MED4: variants seen among roughly 807,000 people sequenced by gnomAD.
MED4 encodes the protein mediator of RNA polymerase II transcription subunit 4.
Under a neutral mutation model 35.0 loss-of-function variants are expected in MED4, and 21 were observed. The observed-to-expected ratio is 0.60, with a 90% CI of 0.43 to 0.86. The LOEUF (loss-of-function observed/expected upper bound fraction) is 0.86. Ranked by LOEUF, MED4 falls within the 40% of genes least tolerant of loss-of-function variation. The probability of loss-of-function intolerance (pLI) is 0.00; values close to 1 mark genes in which losing one functional copy is unlikely to be tolerated. For synonymous variants in MED4, 138 were observed against 114.0 expected, an observed-to-expected ratio of 1.21 and a Z score of -1.34; for missense variants, 300 against 319.4, an observed-to-expected ratio of 0.94 and a Z score of 0.46.
chr13:48,079,821 AAC>A (rs138539860), intron 6 of MED4, 21 bp downstream of exon 6: 187,213 of 1,611,512 alleles, frequency 0.12, 11,872 homozygotes, highest in Middle Eastern at 0.18. Context: ...TCTGTTTGAA[AAC>A]ACTCTTCGGC....
At chr13:48,085,183 T>C (rs200246701) in intron 3 of MED4, among the ~76,000 whole-genome samples, 2 of 50,978 alleles carry the variant, frequency 3.9e-5, no homozygotes, top group Non-Finnish European at 1.7e-4. Flanking sequence ...TTTTTTTTTT[T>C]TTTTTTTTTT....
intron 2 of MED4, among the ~76,000 whole-genome samples, chr13:48,088,235 G>C (rs1232338452): frequency 6.6e-6 from 1 of 152,148 alleles, no homozygotes; most frequent in African/African-American, 2.4e-5. Flanking sequence ...ACTTCAGAAA[G>C]AAAATATCTA....
In MED4 at chr13:48,079,955, G is replaced by T; in HGVS notation, c.529C>A (p.Pro177Thr). ...CCACTTCTCATCTCTAAATCAGTTG[G>T]GTAGGGTCTCCGGGGGTCCCCTAAA... ...WVPGDPRRPYPTDLEMRSGLL... is the reference protein window; with the variant it reads ...WVPGDPRRPYTTDLEMRSGLL... Residue 177 changes from proline (P) to threonine (T), a missense_variant, in exon 6 of 7, where the codon CCA becomes ACA. Transcript: ENST00000258648. 9 of 1,613,582 alleles carry T rather than the reference G, an allele frequency of 5.6e-6. No homozygotes were observed. Among genetic ancestry groups the T allele is most frequent in the Non-Finnish European group, 7.6e-6 (9 of 1,179,734 alleles).
intron 1 of MED4, among the ~76,000 whole-genome samples, chr13:48,093,148 A>G (rs1033591493): frequency 6.6e-6 from 1 of 152,222 alleles, no homozygotes; most frequent in African/African-American, 2.4e-5. Flanking sequence ...GTTAGAGCCT[A>G]CATTATTAGC....
intron 2 of MED4, among the ~76,000 whole-genome samples, chr13:48,087,540 T>C (rs867754845): frequency 6.6e-6 from 1 of 151,148 alleles, no homozygotes; most frequent in Non-Finnish European, 1.5e-5. Flanking sequence ...TTGTTTACAA[T>C]GAAGATGATC....
intron 2 of MED4, among the ~76,000 whole-genome samples, chr13:48,087,477 TAATA>T (rs1309328071): frequency 1.3e-5 from 2 of 152,190 alleles, no homozygotes; most frequent in African/African-American, 4.8e-5. Flanking sequence ...ACATTTGTGC[TAATA>T]TATATTAGAA....
At position 48,086,524 on chromosome 13, in the gene MED4, C is replaced by T. The variant is rs1950849892; in HGVS notation, c.193-72G>A. 5 of 1,385,942 alleles carry T rather than the reference C, an allele frequency of 3.6e-6. 1 individual carries two copies. In the Admixed American group the frequency reaches 6.2e-5, roughly 17 times the overall value. The allele number at this position is 1,385,942 out of a possible 1,614,324, so 85.9% of individuals were successfully genotyped here. Reference sequence around the variant, plus strand: ...CTGCATTCCAATGAAACAAAGAATCCGTAACTGAATTGGCTAGGCTATAAA... The same window carrying T: ...CTGCATTCCAATGAAACAAAGAATCTGTAACTGAATTGGCTAGGCTATAAA... On this transcript the variant is annotated intron_variant, in intron 2 of 6. Transcript: ENST00000258648.
intron 1 of MED4, among the ~76,000 whole-genome samples, chr13:48,093,861 G>A (rs1156575642): frequency 1.3e-5 from 2 of 152,172 alleles, no homozygotes; most frequent in Admixed American, 6.5e-5. Context: ...ATTATATCAC[G>A]TATATTTTAA....
intron 1 of MED4, among the ~76,000 whole-genome samples, chr13:48,091,166 T>C (rs1318060858): frequency 6.6e-6 from 1 of 152,214 alleles, no homozygotes; most frequent in Non-Finnish European, 1.5e-5. Context: ...TTCTCCACTT[T>C]ATTTGAATTT....
At chr13:48,089,817 A>C (rs951903529) in intron 2 of MED4, among the ~76,000 whole-genome samples, 3 of 152,156 alleles carry the variant, frequency 2.0e-5, no homozygotes, top group Non-Finnish European at 2.9e-5. Context: ...AAAATTCTGA[A>C]TCAGGAAAAA....
chr13:48,081,755 T>C (rs932987970), intron 4 of MED4, 24 bp from the exon 5 acceptor site: 7 of 1,468,810 alleles, frequency 4.8e-6, no homozygotes, highest in Non-Finnish European at 6.6e-6. Context: ...AAGAGGACAG[T>C]ATAACCTGTA....
chr13:48,094,375 A>G (rs902458346), intron 1 of MED4, among the ~76,000 whole-genome samples: 2 of 152,190 alleles, frequency 1.3e-5, no homozygotes, highest in Non-Finnish European at 2.9e-5. Context: ...TTCATCTCCT[A>G]TCTCTGACAC....
intron 3 of MED4, 104 bp downstream of exon 3, chr13:48,086,178 G>A (rs1011657430): frequency 1.6e-5 from 17 of 1,053,852 alleles, no homozygotes; most frequent in Admixed American, 2.2e-5. Context: ...CTTTAGACTT[G>A]GAAAGTCTAG....
In MED4 at chr13:48,081,672, C is replaced by T; in HGVS notation, c.481G>A (p.Val161Ile). The T allele has an allele frequency of 6.2e-7, 1 of 1,611,870 alleles. No homozygotes were observed. The highest frequency in any genetic ancestry group is 8.5e-7 in the Non-Finnish European group (1 of 1,179,098). The change falls in exon 5 of 7, where the codon GTA (valine) becomes ATA (isoleucine). Residue 161 changes from valine to isoleucine, a missense_variant. Val to Ile is a conservative substitution (Grantham distance 29). Transcript: ENST00000258648. ...GGAACCCAGGTCAGTGGAGCACATA[C>T]AGCATTACTTGCACTGATCCTATGT... ...YAHRISASNA[V>I]CAPLTWVPGD...
chr13:48,094,187 T>A (rs1371377809), intron 1 of MED4, among the ~76,000 whole-genome samples: 1 of 152,148 alleles, frequency 6.6e-6, no homozygotes, highest in Non-Finnish European at 1.5e-5. Context: ...TTTGGGAGGC[T>A]ACATTTAAGA....
chr13:48,092,332 G>C (rs1593549623), intron 1 of MED4, among the ~76,000 whole-genome samples: 1 of 151,858 alleles, frequency 6.6e-6, no homozygotes, highest in South Asian at 2.1e-4. Flanking sequence ...GGCTGGTCTC[G>C]AAATCCCGAC....
rs189315406 is a variant in MED4, at chr13:48,082,029, T to C, written c.422-298A>G. 3.7e-3 allele frequency among the ~76,000 whole-genome samples: 567 copies of C among 152,306 alleles called. 1 individual carries two copies. The highest frequency in any genetic ancestry group is 6.8e-3 in the Middle Eastern group (2 of 294). ...TACCATTCCTCTTCTGAAAGCATAG[T>C]GAGCACAAATAAAATAGAGAAAACA... is the stretch of plus-strand genomic sequence containing the variant. On this transcript the variant is annotated intron_variant, in intron 4 of 6. Coordinates refer to ENST00000258648, the MANE Select transcript of MED4 (RefSeq NM_014166.4).
chr13:48,086,425 C>T lies in MED4; in HGVS notation c.220G>A (p.Gly74Arg), dbSNP rs1414347887. The part of the protein sequence containing the change: ...QVLELLIHRD[G>R]EFQELMKLAL... ...AATTTCATTAGTTCTTGAAATTCCC[C>T]ATCTCGGTGAATTAACAACTCCAGG... The change falls in exon 3 of 7, where the codon GGG (glycine) becomes AGG (arginine). Residue 74 changes from glycine to arginine, a missense_variant. By Grantham distance (125) the Gly-to-Arg change is moderately radical. Coordinates refer to ENST00000258648, the MANE Select transcript of MED4 (RefSeq NM_014166.4). The T allele has an allele frequency of 6.2e-7, 1 of 1,613,504 alleles. No homozygotes were observed. Among genetic ancestry groups the T allele is most frequent in the African/African-American group, 1.3e-5 (1 of 74,932 alleles).
chr13:48,079,462 C>T (rs1566116996), intron 6 of MED4, among the ~76,000 whole-genome samples: 1 of 152,162 alleles, frequency 6.6e-6, no homozygotes, highest in Non-Finnish European at 1.5e-5. Flanking sequence ...GTCTGAGAGG[C>T]AGGCACACTG....
Sources: allele counts gnomAD v4.1 joint callset (sites outside exome capture counted in the v4.1 genomes callset), GRCh38; gene constraint gnomAD v4.1.1; transcripts MANE v1.5; gene names NCBI Gene and HGNC (gene_info 2026-07-23, HGNC 2026-07-21).